FBXO15: variants seen among roughly 807,000 people sequenced by gnomAD.
The protein encoded by FBXO15 is F-box only protein 15.
In FBXO15, 30 loss-of-function variants were observed where a neutral mutation model predicts 49.5. That is an observed-to-expected ratio of 0.61 (90% CI 0.45 to 0.82). The LOEUF is 0.82. Ranked by LOEUF, FBXO15 falls within the 40% of genes least tolerant of loss-of-function variation. FBXO15 has a pLI of 0.00. For synonymous variants in FBXO15, 250 were observed against 232.7 expected (o/e 1.07, Z -0.68); for missense variants, 591 against 631.5 (o/e 0.94, Z 0.69).
intron 8 of FBXO15, among the ~76,000 whole-genome samples, chr18:74,116,316 A>G (rs577758029): frequency 1.3e-5 from 2 of 152,340 alleles, no homozygotes; most frequent in African/African-American, 4.8e-5. Flanking sequence ...AAAATTTGAA[A>G]CAAAATTTCT....
intron 8 of FBXO15, among the ~76,000 whole-genome samples, chr18:74,095,599 C>T (rs913680847): frequency 6.6e-6 from 1 of 152,054 alleles, no homozygotes; most frequent in African/African-American, 2.4e-5. Flanking sequence ...AAAACAGTTA[C>T]AATAGTAACA....
chr18:74,147,526 G>A, intron 1 of FBXO15, 144 bp downstream of exon 1: 1 of 1,257,946 alleles, frequency 7.9e-7, no homozygotes, highest in Non-Finnish European at 1.0e-6. Flanking sequence ...ATTTCCTCCG[G>A]TCGTTCTTCC....
At chr18:74,130,362 G>A (rs891041730) in intron 4 of FBXO15, 54 bp downstream of exon 4, 23 of 1,604,914 alleles carry the variant, frequency 1.4e-5, no homozygotes, top group African/African-American at 1.2e-4. Flanking sequence ...TACGTCCTAC[G>A]TACACGATAC....
intron 1 of FBXO15, among the ~76,000 whole-genome samples, chr18:74,146,424 A>G (rs866852387): frequency 6.6e-5 from 10 of 152,246 alleles, no homozygotes; most frequent in Middle Eastern, 3.2e-3. Flanking sequence ...CCCTCTAATT[A>G]TATCAATCCA....
chr18:74,088,872 C>T (rs963258386), intron 8 of FBXO15, among the ~76,000 whole-genome samples: 1 of 152,270 alleles, frequency 6.6e-6, no homozygotes, highest in Admixed American at 6.5e-5. Context: ...TCCTGAATTT[C>T]ACTGAGCAGT....
Position 74,111,570 on chromosome 18 carries a change from T to C in FBXO15, c.1138+11798A>G, listed in dbSNP as rs571441181. 1.1e-4 allele frequency among the ~76,000 whole-genome samples: 16 copies of C among 152,162 alleles called. No homozygotes were observed. In the South Asian group the frequency reaches 3.1e-3, roughly 30 times the overall value. On this transcript the variant is annotated intron_variant, in intron 8 of 9. Transcript: ENST00000419743. Reference sequence around the variant, plus strand: ...GGATATTTATGGCATTAAATTCATATATTAGAAAAGAAGAAAGATCTGAAA... The same window carrying C: ...GGATATTTATGGCATTAAATTCATACATTAGAAAAGAAGAAAGATCTGAAA...
chr18:74,145,073 T>C (rs922560917), intron 1 of FBXO15, among the ~76,000 whole-genome samples: 6 of 152,246 alleles, frequency 3.9e-5, no homozygotes, highest in African/African-American at 1.4e-4. Flanking sequence ...TGTTTGGTAC[T>C]AGTTATTTTT....
At position 74,129,525 on chromosome 18, in the gene FBXO15, GT is replaced by G; in HGVS notation, c.664del (p.Thr222HisfsTer15). ...MEHVDLSIND[T>X]SVTVIWYGKK... Reference sequence around the variant, plus strand: ...GCCATACCATATAACAGTAACTGATGTGTCATTTATGGAAAGATCAACATGC... The same window carrying G: ...GCCATACCATATAACAGTAACTGATGGTCATTTATGGAAAGATCAACATGC... On this transcript the variant is annotated frameshift_variant, in exon 5 of 10. Coordinates refer to ENST00000419743, the MANE Select transcript of FBXO15 (RefSeq NM_001142958.2). LOFTEE classifies it high-confidence loss of function. The G allele has an allele frequency of 6.2e-7, 1 of 1,613,634 alleles. No homozygotes were observed. Among genetic ancestry groups the G allele is most frequent in the South Asian group, 1.1e-5 (1 of 91,068 alleles).
rs1300729398 is a variant in FBXO15, at chr18:74,075,055, C to T, written c.1264-1325G>A. On this transcript the variant is annotated intron_variant, in intron 9 of 9. Transcript: ENST00000419743. The surrounding 1 kb of genome is among the most constrained non-coding windows in gnomAD (Gnocchi z 4.1). ...TCTGTCTGGACCTGAGCACCAAGCACAGCGGGAGGGCTGCACGCAGAGCTG... is the reference window on the plus strand; with the variant it reads ...TCTGTCTGGACCTGAGCACCAAGCATAGCGGGAGGGCTGCACGCAGAGCTG... 6.6e-6 allele frequency among the ~76,000 whole-genome samples: 1 copy of T among 152,208 alleles called. No homozygotes were observed. Among genetic ancestry groups the T allele is most frequent in the Admixed American group, 6.5e-5 (1 of 15,284 alleles).
In FBXO15 at chr18:74,080,125, TA is replaced by T. The variant is rs201061361; in HGVS notation, c.1263+1801del. ...ACTTTCTAAGCTTATGTCCATGCTT[TA>T]AAAAAAAAGTTTTTAACTCCTTCCA... On this transcript the variant is annotated intron_variant, in intron 9 of 9. Coordinates refer to ENST00000419743, the MANE Select transcript of FBXO15 (RefSeq NM_001142958.2). 7.2e-5 allele frequency among the ~76,000 whole-genome samples: 11 copies of T among 151,778 alleles called. No individual in the cohort carries two copies. The East Asian group carries it at 1.5e-3, about 21-fold the overall frequency.
chr18:74,138,925 G>A (rs1978890909), intron 2 of FBXO15, among the ~76,000 whole-genome samples: 2 of 152,124 alleles, frequency 1.3e-5, no homozygotes, highest in African/African-American at 4.8e-5. Context: ...TTCTAGAGAA[G>A]AGAGGTAAAC....
chr18:74,136,122 G>T (rs1376017172), intron 2 of FBXO15, among the ~76,000 whole-genome samples: 2 of 152,104 alleles, frequency 1.3e-5, no homozygotes. Flanking sequence ...TTTTAATCAC[G>T]TTCATACACT....
At chr18:74,087,214 G>A (rs1471477957) in intron 8 of FBXO15, among the ~76,000 whole-genome samples, 1 of 152,238 alleles carries the variant, frequency 6.6e-6, no homozygotes, top group Non-Finnish European at 1.5e-5. Context: ...CAGGATGGTA[G>A]TTGCTGAATG....
intron 8 of FBXO15, among the ~76,000 whole-genome samples, chr18:74,092,534 C>G (rs1599142692): frequency 6.6e-6 from 1 of 152,036 alleles, no homozygotes; most frequent in Admixed American, 6.6e-5. Context: ...AAGTTGCTGT[C>G]CTTTGGATAG....
chr18:74,131,501 G>C lies in FBXO15; in HGVS notation c.333-843C>G, dbSNP rs545653272. Among the ~76,000 whole-genome samples the C allele has an allele frequency of 5.3e-5, 8 of 152,298 alleles. No homozygotes were observed. The South Asian group carries it at 8.3e-4, about 16-fold the overall frequency. On this transcript the variant is annotated intron_variant, in intron 3 of 9. Transcript: ENST00000419743. ...ACTGAATAAGCTCCCCAAATTCAGA[G>C]AGCCAATAAGCCTCAATGTTGGAAT...
At chr18:74,096,843 A>T (rs1913299549) in intron 8 of FBXO15, among the ~76,000 whole-genome samples, 1 of 152,140 alleles carries the variant, frequency 6.6e-6, no homozygotes, top group Non-Finnish European at 1.5e-5. Context: ...AAAGACACAG[A>T]CCCTCTGAAA....
At chr18:74,131,460 G>A (rs746843150) in intron 3 of FBXO15, among the ~76,000 whole-genome samples, 2 of 152,174 alleles carry the variant, frequency 1.3e-5, no homozygotes, top group Admixed American at 6.5e-5. Context: ...CAATCACAAA[G>A]AAATGGGTCA....
intron 8 of FBXO15, among the ~76,000 whole-genome samples, chr18:74,096,460 C>T (rs759361070): frequency 1.3e-5 from 2 of 151,552 alleles, no homozygotes. Context: ...CTTAAGGCAC[C>T]ACCTAGAGCC....
chr18:74,139,356 G>A (rs1257493210), intron 2 of FBXO15, among the ~76,000 whole-genome samples: 1 of 152,142 alleles, frequency 6.6e-6, no homozygotes, highest in Non-Finnish European at 1.5e-5. Context: ...TTAATGGATG[G>A]ACTAACCAAA....
Sources: allele counts gnomAD v4.1 joint callset (sites outside exome capture counted in the v4.1 genomes callset), GRCh38; gene constraint gnomAD v4.1.1; non-coding constraint Gnocchi (gnomAD v3.1); transcripts MANE v1.5; gene names NCBI Gene and HGNC (gene_info 2026-07-23, HGNC 2026-07-21).